Variants in SVEP1 observed in about 807,000 individuals in gnomAD.
SVEP1 encodes the protein sushi, von Willebrand factor type A, EGF and pentraxin domain containing 1.
Under a neutral mutation model 367.3 loss-of-function variants are expected in SVEP1, and 164 were observed. The ratio of observed to expected loss-of-function variants is 0.45; its 90% CI spans 0.39 to 0.51. SVEP1 has a LOEUF of 0.51. SVEP1 is among the 20% of genes least tolerant of loss of function. The pLI is 0.00. For synonymous variants in SVEP1, 1,666 were observed against 1,611.6 expected (o/e 1.03, Z -0.81); for missense variants, 4,117 against 4,425.3 (o/e 0.93, Z 1.98).
Position 110,549,955 on chromosome 9 carries a change from G to A in SVEP1, c.681C>T (p.Asn227=), listed in dbSNP as rs368796566. Residue 227 remains asparagine (N), a synonymous_variant, in exon 2 of 48, where the codon AAC becomes AAT. Coordinates refer to ENST00000374469, the MANE Select transcript of SVEP1 (RefSeq NM_153366.4). The part of the protein sequence containing the change: ...EIFTFGIWQG[N]IRELNDMAST... ...AAGCCATGTCATTCAGCTCTCGAAT[G>A]TTCCCTTGCCATATGCCAAAAGTGA... 3 of 1,614,000 alleles carry A rather than the reference G, an allele frequency of 1.9e-6. No homozygotes were observed. Among genetic ancestry groups the A allele is most frequent in the Admixed American group, 1.7e-5 (1 of 60,016 alleles).
At chr9:110,497,112 C>A (rs910108274) in intron 7 of SVEP1, among the ~76,000 whole-genome samples, 179 bp from the exon 8 acceptor site, 1 of 152,192 alleles carries the variant, frequency 6.6e-6, no homozygotes, top group Admixed American at 6.5e-5. Context: ...GCATGGCTTA[C>A]GAGCCCAATC....
At chr9:110,443,328 C>G (rs1828541233) in intron 27 of SVEP1, 1 of 441,720 alleles carries the variant, frequency 2.3e-6, no homozygotes, top group African/African-American at 2.0e-5. Flanking sequence ...TAATGTAGAT[C>G]TTCAAAGGCA....
At chr9:110,509,598 A>T (rs960218245) in intron 5 of SVEP1, among the ~76,000 whole-genome samples, 26 of 152,092 alleles carry the variant, frequency 1.7e-4, no homozygotes, top group Middle Eastern at 3.4e-3. Context: ...GCAGCCTCCA[A>T]CTCCTGTGTT....
intron 45 of SVEP1, among the ~76,000 whole-genome samples, chr9:110,376,176 A>G (rs1827347931): frequency 6.6e-6 from 1 of 152,202 alleles, no homozygotes; most frequent in African/African-American, 2.4e-5. Flanking sequence ...ATCAGGTACC[A>G]ACTCAGATCT....
At chr9:110,378,267 C>A (rs549221667) in intron 44 of SVEP1, among the ~76,000 whole-genome samples, 2 of 152,214 alleles carry the variant, frequency 1.3e-5, no homozygotes, top group South Asian at 4.1e-4. Context: ...TTTAAGATGT[C>A]CCCCCTCAAA....
At chr9:110,369,872 A>C in intron 47 of SVEP1, 51 bp downstream of exon 47, 1 of 1,494,458 alleles carries the variant, frequency 6.7e-7, no homozygotes, top group Non-Finnish European at 9.2e-7. Context: ...AATTTACTTG[A>C]ATTTTAGAGT....
chr9:110,465,431 C>G (rs560666331), intron 18 of SVEP1, among the ~76,000 whole-genome samples: 1 of 152,264 alleles, frequency 6.6e-6, no homozygotes, highest in South Asian at 2.1e-4. Context: ...TGCTGCCTGA[C>G]TGAATAACTA....
intron 24 of SVEP1, 66 bp from the exon 25 acceptor site, chr9:110,447,123 T>C: frequency 7.7e-7 from 1 of 1,294,282 alleles, no homozygotes; most frequent in African/African-American, 1.5e-5. Flanking sequence ...TATGATAATC[T>C]TATCTCGAAA....
chr9:110,513,212 C>T, intron 4 of SVEP1, 107 bp from the exon 5 acceptor site: 1 of 1,043,526 alleles, frequency 9.6e-7, no homozygotes, highest in Non-Finnish European at 1.4e-6. Context: ...GTGTCAATTG[C>T]CTACAGCATT....
intron 28 of SVEP1, 65 bp downstream of exon 28, chr9:110,436,315 T>C (rs1172141632): frequency 6.3e-7 from 1 of 1,592,154 alleles, no homozygotes; most frequent in Non-Finnish European, 8.6e-7. Context: ...ATTAGGCTGT[T>C]CACATTTTTA....
intron 27 of SVEP1, chr9:110,442,942 A>T (rs1828535488): frequency 6.6e-6 from 1 of 152,098 alleles, no homozygotes; most frequent in Non-Finnish European, 1.5e-5. Context: ...ATTTTTGTCT[A>T]TTTAATTTTC....
intron 43 of SVEP1, 67 bp from the exon 44 acceptor site, chr9:110,379,584 C>T (rs1320926939): frequency 6.6e-7 from 1 of 1,513,232 alleles, no homozygotes; most frequent in Non-Finnish European, 9.0e-7. Flanking sequence ...AGTCTCATCT[C>T]TCAGAATGAA....
rs1418675770 is a variant in SVEP1, at chr9:110,505,682, C to G, written c.1304-2465G>C. Among the ~76,000 whole-genome samples the G allele has an allele frequency of 3.9e-5, 6 of 152,048 alleles. No individual in the cohort carries two copies. In the South Asian group the frequency reaches 1.2e-3, roughly 32 times the overall value. ...CAATAACCTTTTTTAAATTCTCTCT[C>G]TCTCTCCTTTCTCTTTTTTCTCTCT... On this transcript the variant is annotated intron_variant, in intron 5 of 47. Coordinates refer to ENST00000374469, the MANE Select transcript of SVEP1 (RefSeq NM_153366.4).
chr9:110,493,693 C>T (rs1829403885), intron 8 of SVEP1, among the ~76,000 whole-genome samples: 1 of 152,182 alleles, frequency 6.6e-6, no homozygotes, highest in Non-Finnish European at 1.5e-5. Flanking sequence ...GATCATGCCA[C>T]TGCACTCCAG....
rs890706958 is a variant in SVEP1 at position 110,366,059 on chromosome 9, G to A, written c.*480C>T. 1 of 152,922 alleles carries A rather than the reference G, an allele frequency of 6.5e-6. No homozygotes were observed. The highest frequency in any genetic ancestry group is 2.4e-5 in the African/African-American group (1 of 41,450). The allele number at this position is 152,922 out of a possible 1,614,324, so 9.5% of individuals were successfully genotyped here. On this transcript the variant is annotated 3_prime_UTR_variant, in exon 48 of 48. Transcript: ENST00000374469. Reference sequence around the variant, plus strand: ...TATAGAAGATGGAACCAGAACAAAGGGGTCTCCTTTATTGTAAGGGGTCTC... The same window carrying A: ...TATAGAAGATGGAACCAGAACAAAGAGGTCTCCTTTATTGTAAGGGGTCTC...
Position 110,406,366 on chromosome 9 carries a change from G to A in SVEP1, c.9234C>T (p.Thr3078=). ...PMIPNAFISE[T]SSWKENVITY... Reference sequence around the variant, plus strand: ...TTATCACATTTTCCTTCCAAGAGCTGGTCTCACTGATGAACGCATTTGGTA... The same window carrying A: ...TTATCACATTTTCCTTCCAAGAGCTAGTCTCACTGATGAACGCATTTGGTA... Residue 3078 remains threonine (T), a synonymous_variant, in exon 38 of 48, where the codon ACC becomes ACT. Transcript: ENST00000374469. 1 of 1,614,030 alleles carries A rather than the reference G, an allele frequency of 6.2e-7. No individual in the cohort carries two copies.
chr9:110,461,101 G>A (rs997329479), intron 18 of SVEP1, among the ~76,000 whole-genome samples: 1 of 152,064 alleles, frequency 6.6e-6, no homozygotes, highest in Non-Finnish European at 1.5e-5. Context: ...TTTGAGAATT[G>A]TCATTTAACC....
chr9:110,401,848 A>G lies in SVEP1; in HGVS notation c.9667-839T>C, dbSNP rs567922621. Among the ~76,000 whole-genome samples the G allele has an allele frequency of 5.3e-5, 8 of 152,100 alleles. No homozygotes were observed. The South Asian group carries it at 1.7e-3, about 32-fold the overall frequency. On this transcript the variant is annotated intron_variant, in intron 39 of 47. Coordinates refer to ENST00000374469, the MANE Select transcript of SVEP1 (RefSeq NM_153366.4). ...TATATCTCTTGAAGATTGTTATTCT[A>G]TTGCTAATATTTTTCTGTTTTCTTT...
chr9:110,528,217 G>T (rs529679704), intron 3 of SVEP1, among the ~76,000 whole-genome samples: 1 of 126,978 alleles, frequency 7.9e-6, no homozygotes, highest in Non-Finnish European at 1.6e-5. Flanking sequence ...CTCATCAATT[G>T]ATGGGCACTT....
Sources: gnomAD v4.1 joint callset for allele counts (sites outside exome capture counted in the v4.1 genomes callset) on GRCh38, gnomAD v4.1.1 for gene constraint, MANE v1.5 for transcripts, NCBI Gene and HGNC (gene_info 2026-07-23, HGNC 2026-07-21) for gene names.